Variants in CLCN7 observed in about 807,000 individuals in gnomAD.
CLCN7 encodes the protein Cl-/H+ antiporter 7.
In CLCN7, 60 loss-of-function variants were observed where a neutral mutation model predicts 102.1. The observed-to-expected ratio is 0.59, with a 90% CI of 0.48 to 0.73. The LOEUF (loss-of-function observed/expected upper bound fraction) is 0.73. CLCN7 is among the 30% of genes least tolerant of loss of function. The pLI is 0.00. For missense variants in CLCN7, 962 were observed against 1,125.7 expected, an observed-to-expected ratio of 0.85 and a Z score of 2.08; for synonymous variants, 560 against 490.5, an observed-to-expected ratio of 1.14 and a Z score of -1.87.
Position 1,454,386 on chromosome 16 carries a change from C to T in CLCN7, c.1153+25G>A, listed in dbSNP as rs773316097. The T allele has an allele frequency of 6.2e-6, 10 of 1,611,918 alleles. No individual in the cohort carries two copies. In the South Asian group the frequency reaches 8.8e-5, roughly 14 times the overall value. ...GCTGAGCCAGGCCCGCAGGCCGTCC[C>T]TGCGGTGCTGGGAGAAGCCCTTACC... On this transcript the variant is annotated intron_variant, in intron 13 of 24. Transcript: ENST00000382745.
chr16:1,461,129 GTGACTCGGGGAGGTGGGTGAAT>G (rs1193006016), intron 4 of CLCN7, among the ~76,000 whole-genome samples, 181 bp from the exon 5 acceptor site: 7 of 152,358 alleles, frequency 4.6e-5, no homozygotes, highest in Admixed American at 1.3e-4. Flanking sequence ...GGGCCCGAGG[GTGACTCGGGGAGGTGGGTGAAT>G]TCCCAACAAC....
chr16:1,465,291 C>A lies in CLCN7; in HGVS notation c.189G>T (p.Glu63Asp). The A allele has an allele frequency of 2.5e-6, 4 of 1,613,934 alleles. No homozygotes were observed. The highest frequency in any genetic ancestry group is 3.4e-6 in the Non-Finnish European group (4 of 1,180,004). ...CCGGGTCCAAAAGTTCATCATCCAG[C>A]TCCACGCTGCTCATATGTCCGACTC... ...LFRVGHMSSV[E>D]LDDELLDPDM... The change falls in exon 2 of 25, where the codon GAG becomes GAT. Residue 63 changes from glutamate to aspartate, a missense_variant. Glu to Asp is a conservative substitution (Grantham distance 45). Coordinates refer to ENST00000382745, the MANE Select transcript of CLCN7 (RefSeq NM_001287.6).
At chr16:1,460,731 C>G in intron 5 of CLCN7, 85 bp downstream of exon 5, 1 of 1,602,052 alleles carries the variant, frequency 6.2e-7, no homozygotes, top group Non-Finnish European at 8.5e-7. Context: ...TGCACTGGAA[C>G]ACGCTGGGCT....
At chr16:1,451,919 G>C (rs1389812041) in intron 15 of CLCN7, 2 of 599,462 alleles carry the variant, frequency 3.3e-6, no homozygotes, top group Non-Finnish European at 3.1e-6. Flanking sequence ...GTCACGGAGG[G>C]AAAGGAGGAC....
At chr16:1,455,943 G>C in intron 10 of CLCN7, 148 bp from the exon 11 acceptor site, 1 of 1,057,588 alleles carries the variant, frequency 9.5e-7, no homozygotes. Context: ...GGGACCCTGA[G>C]GGAGGTCTGA....
chr16:1,470,583 A>C (rs1027406158), intron 1 of CLCN7, among the ~76,000 whole-genome samples: 3 of 152,206 alleles, frequency 2.0e-5, no homozygotes, highest in Admixed American at 2.0e-4. Context: ...CAGAGACCTA[A>C]AGCAAGACAG....
intron 1 of CLCN7, among the ~76,000 whole-genome samples, chr16:1,470,062 C>T (rs1013171978): frequency 3.3e-5 from 5 of 152,224 alleles, no homozygotes; most frequent in Non-Finnish European, 5.9e-5. Context: ...GAAGGGAGAG[C>T]GTTGAATGGG....
chr16:1,467,713 T>C (rs1415070841), intron 1 of CLCN7: 2 of 152,240 alleles, frequency 1.3e-5, no homozygotes, highest in Non-Finnish European at 2.9e-5. Flanking sequence ...ACCCTCTCCA[T>C]CACTCAAGAT....
At chr16:1,451,304 C>G (rs1185722232) in intron 16 of CLCN7, among the ~76,000 whole-genome samples, 4 of 152,156 alleles carry the variant, frequency 2.6e-5, no homozygotes, top group African/African-American at 7.2e-5. Flanking sequence ...ACCTTCTGGG[C>G]TCAAGCAATC....
rs1490501758 is a variant in CLCN7, at chr16:1,457,080, G to A, written c.822+174C>T. Among the ~76,000 whole-genome samples, 1 of 152,196 alleles carries A rather than the reference G, an allele frequency of 6.6e-6. No homozygotes were observed. Among genetic ancestry groups the A allele is most frequent in the Non-Finnish European group, 1.5e-5 (1 of 68,028 alleles). ...GGAGGGAAGCAGCGGGCCGTAGGGAGGCCTTGCCGGGCAGGGACTGTGCCC... is the reference window on the plus strand; with the variant it reads ...GGAGGGAAGCAGCGGGCCGTAGGGAAGCCTTGCCGGGCAGGGACTGTGCCC... On this transcript the variant is annotated intron_variant, in intron 9 of 24. Transcript: ENST00000382745. The surrounding 1 kb of genome is among the most constrained non-coding windows in gnomAD (Gnocchi z 5.4).
intron 14 of CLCN7, among the ~76,000 whole-genome samples, chr16:1,453,444 G>A (rs968789931): frequency 9.2e-5 from 14 of 152,322 alleles, no homozygotes; most frequent in Middle Eastern, 3.4e-3. Context: ...GGCTGTACCC[G>A]ACAGTATTGA....
chr16:1,447,805 G>T, intron 21 of CLCN7, 91 bp from the exon 22 acceptor site: 1 of 1,412,162 alleles, frequency 7.1e-7, no homozygotes, highest in Non-Finnish European at 9.7e-7. Context: ...ACCCTGTTCC[G>T]GCCAGATTTC....
chr16:1,474,796 G>A (rs1408258977), intron 1 of CLCN7, 38 bp downstream of exon 1: 3 of 1,284,572 alleles, frequency 2.3e-6, no homozygotes, highest in Non-Finnish European at 2.0e-6. Context: ...GGGCGCACGA[G>A]GGCTCAGTTT....
chr16:1,446,563 G>A lies in CLCN7; in HGVS notation c.*68C>T, dbSNP rs1218314948. 1 of 1,377,096 alleles carries A rather than the reference G, an allele frequency of 7.3e-7. No individual in the cohort carries two copies. The highest frequency in any genetic ancestry group is 1.0e-6 in the Non-Finnish European group (1 of 989,762). 85.3% of individuals were successfully genotyped at this position (1,377,096 alleles called of 1,614,324 possible). On this transcript the variant is annotated 3_prime_UTR_variant, in exon 25 of 25. Coordinates refer to ENST00000382745, the MANE Select transcript of CLCN7 (RefSeq NM_001287.6). ...GCATGGTTTGGGCCGAGAAACCAGT[G>A]ACTCCGGGAGGAAATGCAGAAGGGC...
chr16:1,455,523 C>A, intron 11 of CLCN7: 1 of 682,094 alleles, frequency 1.5e-6, no homozygotes, highest in Non-Finnish European at 2.6e-6. Flanking sequence ...CCGGGAGCCA[C>A]CCAGGGCTGG....
At chr16:1,470,189 G>A (rs973283730) in intron 1 of CLCN7, among the ~76,000 whole-genome samples, 1 of 152,238 alleles carries the variant, frequency 6.6e-6, no homozygotes, top group Non-Finnish European at 1.5e-5. Context: ...TAGAAACAAG[G>A]TCTTGCTATG....
chr16:1,454,594 G>T, intron 12 of CLCN7, 129 bp from the exon 13 acceptor site: 1 of 898,030 alleles, frequency 1.1e-6, no homozygotes, highest in Non-Finnish European at 1.8e-6. Context: ...TTCCACGCAG[G>T]CTGCGGAAGT....
At position 1,448,496 on chromosome 16, in the gene CLCN7, G is replaced by A. The variant is rs2038689985; in HGVS notation, c.1884-12C>T. On this transcript the variant is annotated splice_polypyrimidine_tract_variant and intron_variant, in intron 20 of 24. Transcript: ENST00000382745. ...TGCTCATCACCTCCCTGCCGGAGGA[G>A]CCCGGCCACACATGCCCGTCACACG... The A allele has an allele frequency of 6.2e-7, 1 of 1,607,574 alleles. No homozygotes were observed. The highest frequency in any genetic ancestry group is 1.3e-5 in the African/African-American group (1 of 74,922).
chr16:1,448,916 C>T, intron 19 of CLCN7, 50 bp downstream of exon 19: 1 of 1,609,170 alleles, frequency 6.2e-7, no homozygotes. Flanking sequence ...GGCCCCTCCC[C>T]TATGGCAGCA....
Sources: gnomAD v4.1 joint callset for allele counts (sites outside exome capture counted in the v4.1 genomes callset) on GRCh38, gnomAD v4.1.1 for gene constraint, Gnocchi (gnomAD v3.1) non-coding constraint, MANE v1.5 for transcripts, NCBI Gene and HGNC (gene_info 2026-07-23, HGNC 2026-07-21) for gene names.